MYO7A: variants seen among roughly 807,000 people sequenced by gnomAD.
The protein encoded by MYO7A is unconventional myosin-VIIa.
Under a neutral mutation model 263.8 loss-of-function variants are expected in MYO7A, and 210 were observed. The ratio of observed to expected loss-of-function variants is 0.80; its 90% CI spans 0.71 to 0.89. The LOEUF is 0.89. Ranked by LOEUF, MYO7A falls within the 40% of genes least tolerant of loss-of-function variation. The probability of loss-of-function intolerance (pLI) is 0.00; values close to 1 mark genes in which losing one functional copy is unlikely to be tolerated. For synonymous variants in MYO7A, 1,239 were observed against 1,197.3 expected (o/e 1.03, Z -0.72); for missense variants, 2,820 against 2,968.3 (o/e 0.95, Z 1.16).
chr11:77,130,694 C>T (rs1555045820), intron 2 of MYO7A, 42 bp downstream of exon 2: 2 of 1,607,302 alleles, frequency 1.2e-6, no homozygotes, highest in South Asian at 2.2e-5. Context: ...CCTCCCCAGG[C>T]CATATCCCCT....
In MYO7A at chr11:77,208,454, T is replaced by G; in HGVS notation, c.5881T>G (p.Phe1961Val). 1 of 1,613,594 alleles carries G rather than the reference T, an allele frequency of 6.2e-7. No individual in the cohort carries two copies. The highest frequency in any genetic ancestry group is 8.5e-7 in the Non-Finnish European group (1 of 1,179,650). The change falls in exon 43 of 49, where the codon TTC (phenylalanine) becomes GTC (valine). Residue 1961 changes from phenylalanine to valine, a missense_variant. Transcript: ENST00000409709. ...GGTCCTCAGCGTTCCTGAGAATGACTTCTTCTTTGACTTTGTTCGACACTT... is the reference window on the plus strand; with the variant it reads ...GGTCCTCAGCGTTCCTGAGAATGACGTCTTCTTTGACTTTGTTCGACACTT... ...DKVLSVPEND[F>V]FFDFVRHLTD...
In MYO7A at chr11:77,172,824, T is replaced by C. The variant is rs1555077201; in HGVS notation, c.1874T>C (p.Leu625Pro). Reference protein sequence around the residue: ...KRSLELLMRTLGACQPFFVRC... With the variant: ...KRSLELLMRTPGACQPFFVRC... ...TCACTGGAGCTGCTGATGCGCACGC[T>C]GGGTGCCTGCCAGCCCTTCTTTGTG... is the stretch of plus-strand genomic sequence containing the variant. The change falls in exon 16 of 49, where the codon CTG becomes CCG. Residue 625 changes from leucine (L) to proline (P), a missense_variant. By Grantham distance (98) the Leu-to-Pro change is moderately conservative. Coordinates refer to ENST00000409709, the MANE Select transcript of MYO7A (RefSeq NM_000260.4). 1 of 1,552,982 alleles carries C rather than the reference T, an allele frequency of 6.4e-7. No individual in the cohort carries two copies. The highest frequency in any genetic ancestry group is 8.7e-7 in the Non-Finnish European group (1 of 1,147,948).
chr11:77,202,906 C>T (rs1957169045), intron 37 of MYO7A, among the ~76,000 whole-genome samples, 154 bp from the exon 38 acceptor site: 1 of 134,588 alleles, frequency 7.4e-6, no homozygotes, highest in South Asian at 2.4e-4. Flanking sequence ...TGACTCGCCT[C>T]GGGTCACATG....
rs1196828877 is a variant in MYO7A at position 77,172,996 on chromosome 11, G to A, written c.1935+111G>A. 6 of 1,400,946 alleles carry A rather than the reference G, an allele frequency of 4.3e-6. No homozygotes were observed. The African/African-American group carries it at 5.8e-5, about 14-fold the overall frequency. The allele number at this position is 1,400,946 out of a possible 1,614,324, so 86.8% of individuals were successfully genotyped here. ...AGGATGTGAGACTTTGTCCCTTTGG[G>A]GAATGGGGGGCACCCCGGGAGCTTA... On this transcript the variant is annotated intron_variant, in intron 16 of 48. Coordinates refer to ENST00000409709, the MANE Select transcript of MYO7A (RefSeq NM_000260.4).
At chr11:77,133,416 A>G (rs181411897) in intron 2 of MYO7A, among the ~76,000 whole-genome samples, 26 of 152,320 alleles carry the variant, frequency 1.7e-4, no homozygotes, top group African/African-American at 6.3e-4. Flanking sequence ...TTGAAGATAA[A>G]TTTGTGGGCT....
chr11:77,189,600 C>T, intron 28 of MYO7A, 130 bp downstream of exon 28: 1 of 1,347,668 alleles, frequency 7.4e-7, no homozygotes, highest in South Asian at 1.4e-5. Context: ...CTTACTGAGC[C>T]CCATCTTCCT....
chr11:77,165,858 G>A (rs563662823), intron 14 of MYO7A, among the ~76,000 whole-genome samples, 198 bp from the exon 15 acceptor site: 9 of 152,134 alleles, frequency 5.9e-5, no homozygotes, highest in African/African-American at 1.9e-4. Context: ...GAGGGGAGCT[G>A]TGTCACTGGG....
At chr11:77,163,512 A>T (rs1248980052) in intron 14 of MYO7A, among the ~76,000 whole-genome samples, 1 of 152,216 alleles carries the variant, frequency 6.6e-6, no homozygotes, top group Non-Finnish European at 1.5e-5. Flanking sequence ...AGACCTGTAC[A>T]GCATGTTCTT....
chr11:77,211,042 A>T (rs1170882905), intron 44 of MYO7A, 110 bp from the exon 45 acceptor site: 1 of 1,013,708 alleles, frequency 9.9e-7, no homozygotes, highest in African/African-American at 1.6e-5. Context: ...GGGTGGGCCC[A>T]TGTGCGGGGT....
intron 8 of MYO7A, among the ~76,000 whole-genome samples, 165 bp downstream of exon 8, chr11:77,157,557 T>C (rs141120409): frequency 1.1e-4 from 17 of 152,302 alleles, no homozygotes; most frequent in African/African-American, 4.1e-4. Context: ...TGGCCATTGC[T>C]GCCACCAAGC....
intron 48 of MYO7A, 75 bp from the exon 49 acceptor site, chr11:77,214,532 G>C: frequency 8.9e-7 from 1 of 1,120,524 alleles, no homozygotes; most frequent in Admixed American, 2.0e-5. Flanking sequence ...GCAGATTCCT[G>C]GGAGCTGTGC....
chr11:77,208,832 C>G (rs200763257), intron 44 of MYO7A, 29 bp downstream of exon 44: 2 of 1,475,918 alleles, frequency 1.4e-6, no homozygotes, highest in Non-Finnish European at 1.9e-6. Flanking sequence ...TAGTTGCCTT[C>G]GTGCACAGCT....
chr11:77,181,828 A>T lies in MYO7A; in HGVS notation c.2905-123A>T, dbSNP rs1287835223. 4 of 753,290 alleles carry T rather than the reference A, an allele frequency of 5.3e-6. No individual in the cohort carries two copies. In the African/African-American group the frequency reaches 7.7e-5, roughly 14 times the overall value. 46.7% of individuals were successfully genotyped at this position (753,290 alleles called of 1,614,324 possible). A position where few individuals can be genotyped will look rare whatever the true frequency, so the allele number is the denominator to read the frequency against. On this transcript the variant is annotated intron_variant, in intron 23 of 48. Transcript: ENST00000409709. ...GAGATGGGGTCGTACCCTGTTGCTC[A>T]GGCTGGAGTGCAGTAGCGTGATCAC...
chr11:77,147,994 C>G (rs782261534), intron 4 of MYO7A, 44 bp downstream of exon 4: 118 of 1,462,428 alleles, frequency 8.1e-5, no homozygotes, highest in Non-Finnish European at 1.0e-4. Flanking sequence ...CCCCTCAGGC[C>G]CCGCCCCGCC....
rs781869170 is a variant in MYO7A, at chr11:77,142,745, G to C, written c.55G>C (p.Glu19Gln). ...HVWMDLRLGQ[E>Q]FDVPIGAVVK... is the part of the protein sequence containing the mutation. ...GTGGATGGACCTGAGATTGGGGCAG[G>C]AGTTCGACGTGCCCATCGGGGCGGT... Residue 19 changes from glutamate to glutamine, a missense_variant, in exon 3 of 49, where the codon GAG (glutamate) becomes CAG (glutamine). Coordinates refer to ENST00000409709, the MANE Select transcript of MYO7A (RefSeq NM_000260.4). The C allele has an allele frequency of 6.2e-7, 1 of 1,611,986 alleles. No individual in the cohort carries two copies. The highest frequency in any genetic ancestry group is 8.5e-7 in the Non-Finnish European group (1 of 1,179,218).
chr11:77,190,782 C>T lies in MYO7A; in HGVS notation c.3836C>T (p.Thr1279Met), dbSNP rs766245260. Residue 1279 changes from threonine to methionine, a missense_variant, in exon 30 of 49, where the codon ACG becomes ATG. Thr to Met is a moderately conservative substitution (Grantham distance 81, BLOSUM62 -1). Transcript: ENST00000409709. ...TKTLLTDSAT[T>M]AKELCNALAD... ...ACCCTGCTGACGGACTCGGCAACCACGGCCAAGGAGCTCTGCAACGCGCTG... is the reference window on the plus strand; with the variant it reads ...ACCCTGCTGACGGACTCGGCAACCATGGCCAAGGAGCTCTGCAACGCGCTG... 21 of 1,596,836 alleles carry T rather than the reference C, an allele frequency of 1.3e-5. No homozygotes were observed. Among genetic ancestry groups the T allele is most frequent in the African/African-American group, 5.4e-5 (4 of 74,444 alleles).
chr11:77,183,197 C>G (rs782723649), intron 26 of MYO7A, 40 bp downstream of exon 26: 3 of 1,527,022 alleles, frequency 2.0e-6, no homozygotes, highest in Non-Finnish European at 2.7e-6. Context: ...CCAGGGGTGG[C>G]TGCCTTAGGT....
chr11:77,173,019 T>C (rs1591340511), intron 16 of MYO7A, 134 bp downstream of exon 16: 1 of 1,308,180 alleles, frequency 7.6e-7, no homozygotes. Flanking sequence ...CCCCGGGAGC[T>C]TACAAAACAA....
At chr11:77,204,999 A>C (rs1287039508) in intron 39 of MYO7A, among the ~76,000 whole-genome samples, 2 of 152,226 alleles carry the variant, frequency 1.3e-5, no homozygotes, top group African/African-American at 4.8e-5. Flanking sequence ...CAAGAAGCTC[A>C]GAGTGGTGGC....
Sources: allele counts gnomAD v4.1 joint callset (sites outside exome capture counted in the v4.1 genomes callset), GRCh38; gene constraint gnomAD v4.1.1; transcripts MANE v1.5; gene names NCBI Gene and HGNC (gene_info 2026-07-23, HGNC 2026-07-21).